The following WDR70 variants were observed in gnomAD, a reference collection of about 807,000 sequenced individuals.
WDR70 encodes the protein WD repeat-containing protein 70.
WDR70 carries 53 observed loss-of-function variants against 88.6 expected under a neutral mutation model. That is an observed-to-expected ratio of 0.60 (90% confidence interval 0.48 to 0.75). WDR70 has a LOEUF of 0.75. Among genes scored for constraint, WDR70 ranks in the 30% least tolerant of loss-of-function variants. WDR70 has a pLI of 0.00. For synonymous variants in WDR70, 280 were observed against 270.0 expected, an observed-to-expected ratio of 1.04 and a Z score of -0.36; for missense variants, 610 against 823.2, an observed-to-expected ratio of 0.74 and a Z score of 3.17.
intron 9 of WDR70, among the ~76,000 whole-genome samples, chr5:37,600,214 C>T (rs1428786169): frequency 6.6e-6 from 1 of 152,154 alleles, no homozygotes; most frequent in Non-Finnish European, 1.5e-5. Flanking sequence ...AAGGTACTGA[C>T]ATCCAGAATA....
chr5:37,456,611 G>A (rs771638174), intron 7 of WDR70, among the ~76,000 whole-genome samples: 1 of 152,038 alleles, frequency 6.6e-6, no homozygotes, highest in Non-Finnish European at 1.5e-5. Context: ...AGTTTGAGAG[G>A]TTATGTCCTA....
At chr5:37,498,507 T>A (rs1474795538) in intron 8 of WDR70, among the ~76,000 whole-genome samples, 1 of 152,234 alleles carries the variant, frequency 6.6e-6, no homozygotes. Context: ...CATACAAATT[T>A]ACAGATTTTA....
At chr5:37,562,155 C>T (rs527481644) in intron 9 of WDR70, among the ~76,000 whole-genome samples, 24 of 152,070 alleles carry the variant, frequency 1.6e-4, no homozygotes, top group Non-Finnish European at 3.2e-4. Flanking sequence ...GCCAGGTGTT[C>T]GAGACCAGCC....
intron 9 of WDR70, among the ~76,000 whole-genome samples, chr5:37,582,879 T>TA (rs1196713325): frequency 6.6e-6 from 1 of 152,248 alleles, no homozygotes; most frequent in East Asian, 1.9e-4. Flanking sequence ...TCCTTGTGCG[T>TA]AGCACTTCTT....
At chr5:37,602,912 G>A (rs1743928817) in intron 9 of WDR70, among the ~76,000 whole-genome samples, 1 of 152,178 alleles carries the variant, frequency 6.6e-6, no homozygotes, top group African/African-American at 2.4e-5. Context: ...AGCAGGTGGA[G>A]GTTGCAGTGA....
At chr5:37,746,494 T>G (rs568155227) in intron 17 of WDR70, among the ~76,000 whole-genome samples, 1 of 152,202 alleles carries the variant, frequency 6.6e-6, no homozygotes, top group Admixed American at 6.5e-5. Context: ...GCTGGTGTTT[T>G]GAAAACATTA....
chr5:37,616,674 T>G (rs1744354623), intron 10 of WDR70, among the ~76,000 whole-genome samples: 2 of 152,194 alleles, frequency 1.3e-5, no homozygotes, highest in South Asian at 2.1e-4. Flanking sequence ...AAATATTTTG[T>G]TTTATTTTTA....
chr5:37,652,291 G>A (rs971108220), intron 10 of WDR70, among the ~76,000 whole-genome samples: 18 of 152,134 alleles, frequency 1.2e-4, no homozygotes, highest in Non-Finnish European at 2.4e-4. Context: ...CAGTGCCATT[G>A]GTCTATATAT....
chr5:37,528,426 C>T (rs1741370315), intron 9 of WDR70, among the ~76,000 whole-genome samples: 2 of 151,852 alleles, frequency 1.3e-5, no homozygotes, highest in South Asian at 4.2e-4. Flanking sequence ...GGCAACTGAA[C>T]AATGAGAACC....
At chr5:37,413,720 CAAAA>C (rs746817084) in intron 5 of WDR70, among the ~76,000 whole-genome samples, 1 of 108,032 alleles carries the variant, frequency 9.3e-6, no homozygotes, top group Non-Finnish European at 1.8e-5. Flanking sequence ...GACTCTGTCT[CAAAA>C]AAAAAAAAAA....
intron 16 of WDR70, among the ~76,000 whole-genome samples, chr5:37,725,357 A>T (rs1747941281): frequency 6.6e-6 from 1 of 151,896 alleles, no homozygotes; most frequent in Non-Finnish European, 1.5e-5. Flanking sequence ...GGACCTTGGA[A>T]CCCAGTGTTA....
intron 9 of WDR70, among the ~76,000 whole-genome samples, chr5:37,527,786 GA>G (rs948922749): frequency 2.0e-5 from 3 of 151,922 alleles, no homozygotes; most frequent in East Asian, 1.9e-4. Context: ...AAACTTACAA[GA>G]AAAAAACAAC....
At chr5:37,475,773 T>C (rs1384620610) in intron 7 of WDR70, among the ~76,000 whole-genome samples, 1 of 152,072 alleles carries the variant, frequency 6.6e-6, no homozygotes, top group East Asian at 1.9e-4. Flanking sequence ...AAACCATCCA[T>C]CTTATTCACT....
At chr5:37,395,939 C>A (rs1748997479) in intron 4 of WDR70, among the ~76,000 whole-genome samples, 1 of 152,094 alleles carries the variant, frequency 6.6e-6, no homozygotes. Flanking sequence ...TAGCTGGTAC[C>A]ACAAGCACAT....
At chr5:37,588,173 G>T (rs1182347685) in intron 9 of WDR70, among the ~76,000 whole-genome samples, 1 of 151,972 alleles carries the variant, frequency 6.6e-6, no homozygotes, top group Non-Finnish European at 1.5e-5. Flanking sequence ...ATTTTAATTT[G>T]TCAAAGACTT....
intron 17 of WDR70, among the ~76,000 whole-genome samples, chr5:37,739,964 T>C (rs1344420428): frequency 6.6e-6 from 1 of 152,208 alleles, no homozygotes; most frequent in Non-Finnish European, 1.5e-5. Flanking sequence ...AGAGGGTTTG[T>C]TGGTTGTTAT....
chr5:37,658,106 T>C (rs150165495), intron 10 of WDR70, among the ~76,000 whole-genome samples: 2 of 151,942 alleles, frequency 1.3e-5, no homozygotes, highest in South Asian at 2.1e-4. Context: ...AAAAAACATA[T>C]TAATTAAGTG....
At chr5:37,480,011 A>G (rs904470678) in intron 8 of WDR70, 24 bp downstream of exon 8, 1 of 1,592,532 alleles carries the variant, frequency 6.3e-7, no homozygotes, top group African/African-American at 1.4e-5. Flanking sequence ...AGAATATTTT[A>G]ATGAATTAAT....
chr5:37,385,970 A>ATTTTTTT, intron 3 of WDR70, among the ~76,000 whole-genome samples: 1 of 139,588 alleles, frequency 7.2e-6, no homozygotes. Context: ...TGCCTGGCTA[A>ATTTTTTT]TTTTTTTTTT....
Sources: gnomAD v4.1 joint callset for allele counts (sites outside exome capture counted in the v4.1 genomes callset) on GRCh38, gnomAD v4.1.1 for gene constraint, MANE v1.5 for transcripts, NCBI Gene and HGNC (gene_info 2026-07-23, HGNC 2026-07-21) for gene names.